The following ZBTB40 variants were observed in gnomAD, a reference collection of about 807,000 sequenced individuals.
The protein encoded by ZBTB40 is zinc finger and BTB domain-containing protein 40.
In ZBTB40, 60 loss-of-function variants were observed where a neutral mutation model predicts 117.5. The observed-to-expected ratio is 0.51, with a 90% CI of 0.41 to 0.63. The LOEUF (loss-of-function observed/expected upper bound fraction) is 0.63. Ranked by LOEUF, ZBTB40 falls within the 30% of genes least tolerant of loss-of-function variation. The pLI, the probability that ZBTB40 is intolerant of heterozygous loss-of-function variation, is 0.00. For synonymous variants in ZBTB40, 525 were observed against 577.1 expected (o/e 0.91, Z 1.29); for missense variants, 1,287 against 1,498.5 (o/e 0.86, Z 2.33).
intron 1 of ZBTB40, among the ~76,000 whole-genome samples, chr1:22,486,012 G>A (rs115281645): frequency 2.0e-5 from 3 of 151,622 alleles, no homozygotes; most frequent in African/African-American, 7.3e-5. Context: ...AAAAATCCTG[G>A]TGTGCTAATT....
At chr1:22,455,447 C>G (rs2124381451) in intron 1 of ZBTB40, among the ~76,000 whole-genome samples, 1 of 152,240 alleles carries the variant, frequency 6.6e-6, no homozygotes, top group African/African-American at 2.4e-5. Flanking sequence ...TTAAACTCTC[C>G]CTAGTAACCA....
At position 22,521,716 on chromosome 1, in the gene ZBTB40, G is replaced by T. The variant is rs773854064; in HGVS notation, c.3211+58G>T. 6.3e-4 allele frequency: 1,021 copies of T among 1,609,172 alleles called. 1 individual carries two copies. The highest frequency in any genetic ancestry group is 7.9e-4 in the Non-Finnish European group (930 of 1,175,770). On this transcript the variant is annotated intron_variant, in intron 15 of 17. Coordinates refer to ENST00000375647, the MANE Select transcript of ZBTB40 (RefSeq NM_014870.4). ...AGGGGCTTGATGGTGTAGCCTCCTG[G>T]GCCCCACCAGAAATCCCCACTTCTA...
chr1:22,450,625 CAA>C (rs949243530), upstream of ZBTB40, among the ~76,000 whole-genome samples: 30 of 152,082 alleles, frequency 2.0e-4, no homozygotes, highest in African/African-American at 5.8e-4. Context: ...GCTGGGCAAA[CAA>C]AGTGCTATTT....
intron 3 of ZBTB40, among the ~76,000 whole-genome samples, chr1:22,500,984 C>A (rs1242439120): frequency 6.6e-6 from 1 of 152,104 alleles, no homozygotes; most frequent in Non-Finnish European, 1.5e-5. Context: ...ATTCAGACAT[C>A]CCTGCCCATG....
chr1:22,472,665 A>G (rs1641440377), intron 1 of ZBTB40, among the ~76,000 whole-genome samples: 1 of 152,200 alleles, frequency 6.6e-6, no homozygotes, highest in East Asian at 1.9e-4. Flanking sequence ...ACAGTAGGTC[A>G]TATATTGTGT....
chr1:22,445,315 T>C (rs1017796092), intron 1 of ZBTB40, among the ~76,000 whole-genome samples: 12 of 152,160 alleles, frequency 7.9e-5, no homozygotes, highest in African/African-American at 2.9e-4. Context: ...AGGGGAAATA[T>C]CCAATTCCAG....
chr1:22,505,982 C>T, intron 5 of ZBTB40, 67 bp from the exon 6 acceptor site: 4 of 1,559,264 alleles, frequency 2.6e-6, no homozygotes, highest in South Asian at 1.1e-5. Flanking sequence ...CTAGGTTTTC[C>T]AGTAGTGTGT....
rs1639785262 is a variant in ZBTB40 at position 22,529,920 on chromosome 1, A to G, written c.*3524A>G. ...TCCCTGCCCTTTATTTGCGGGATCA[A>G]TCAGGGACTCCCAGAAAGGAAGGAG... On this transcript the variant is annotated 3_prime_UTR_variant, in exon 18 of 18. Coordinates refer to ENST00000375647, the MANE Select transcript of ZBTB40 (RefSeq NM_014870.4). The G allele has an allele frequency of 6.6e-6, 1 of 151,950 alleles. No individual in the cohort carries two copies. Among genetic ancestry groups the G allele is most frequent in the African/African-American group, 2.4e-5 (1 of 41,346 alleles). The allele number at this position is 151,950 out of a possible 1,614,324, so 9.4% of individuals were successfully genotyped here.
In ZBTB40 at chr1:22,521,609, C is replaced by G. The variant is rs541275751; in HGVS notation, c.3162C>G (p.Thr1054=). The G allele has an allele frequency of 5.6e-6, 9 of 1,614,206 alleles. No individual in the cohort carries two copies. In the East Asian group the frequency reaches 2.0e-4, roughly 36 times the overall value. The part of the protein sequence containing the change: ...SSLQCSSCDK[T]FPNTIEHKKH... ...TCCAGTGCAGCTCCTGTGACAAAAC[C>G]TTCCCCAACACCATTGAGCACAAGA... Residue 1054 remains threonine (T), a synonymous_variant, in exon 15 of 18, where the codon ACC becomes ACG. Coordinates refer to ENST00000375647, the MANE Select transcript of ZBTB40 (RefSeq NM_014870.4).
At chr1:22,500,564 A>G (rs539131255) in intron 3 of ZBTB40, among the ~76,000 whole-genome samples, 5 of 152,354 alleles carry the variant, frequency 3.3e-5, no homozygotes, top group Admixed American at 3.3e-4. Context: ...AGGAGTGGTC[A>G]GGAAGGCAAG....
At chr1:22,524,741 G>A (rs1228984179) in intron 17 of ZBTB40, among the ~76,000 whole-genome samples, 5 of 152,176 alleles carry the variant, frequency 3.3e-5, no homozygotes, top group Admixed American at 1.3e-4. Context: ...TGAGAACTGC[G>A]GGAAACCTCG....
At position 22,530,862 on chromosome 1, in the gene ZBTB40, C is replaced by T. The variant is rs989010216; in HGVS notation, c.*4466C>T. 3 of 152,160 alleles carry T rather than the reference C, an allele frequency of 2.0e-5. No individual in the cohort carries two copies. Among genetic ancestry groups the T allele is most frequent in the Admixed American group, 2.0e-4 (3 of 15,290 alleles). The allele number at this position is 152,160 out of a possible 1,614,324, so 9.4% of individuals were successfully genotyped here. ...TGGGGGAAAGAAAGCTCTCCTGTCACTTGGAGTCTCATTCCTAAACCCTCC... is the reference window on the plus strand; with the variant it reads ...TGGGGGAAAGAAAGCTCTCCTGTCATTTGGAGTCTCATTCCTAAACCCTCC... On this transcript the variant is annotated 3_prime_UTR_variant, in exon 18 of 18. Transcript: ENST00000375647.
chr1:22,492,808 A>T (rs1377303727), intron 3 of ZBTB40, among the ~76,000 whole-genome samples: 1 of 151,952 alleles, frequency 6.6e-6, no homozygotes, highest in Non-Finnish European at 1.5e-5. Context: ...AATCCTTGGT[A>T]CTCTTTGTAC....
At chr1:22,518,180 T>TCAGCA (rs1039235546) in intron 13 of ZBTB40, among the ~76,000 whole-genome samples, 4 of 152,178 alleles carry the variant, frequency 2.6e-5, no homozygotes, top group African/African-American at 7.2e-5. Context: ...AGGAGTGTAA[T>TCAGCA]CAGCACAGCA....
At chr1:22,511,155 C>G (rs770474030) in intron 9 of ZBTB40, 24 bp from the exon 10 acceptor site, 3 of 1,611,744 alleles carry the variant, frequency 1.9e-6, no homozygotes, top group Non-Finnish European at 1.7e-6. Context: ...AACCCCACAC[C>G]TTTGTCTCCT....
At chr1:22,526,137 C>G in intron 17 of ZBTB40, 65 bp from the exon 18 acceptor site, 1 of 1,565,024 alleles carries the variant, frequency 6.4e-7, no homozygotes, top group Non-Finnish European at 8.8e-7. Context: ...GAGATGAAAA[C>G]CATGTAAATC....
At chr1:22,490,788 A>G in intron 2 of ZBTB40, 143 bp downstream of exon 2, 1 of 925,196 alleles carries the variant, frequency 1.1e-6, no homozygotes, top group Non-Finnish European at 1.7e-6. Flanking sequence ...CATTCTTTTA[A>G]AAGTGTCTGT....
At chr1:22,439,597 T>C (rs1640709193) in intron 1 of ZBTB40, among the ~76,000 whole-genome samples, 1 of 152,368 alleles carries the variant, frequency 6.6e-6, no homozygotes, top group East Asian at 1.9e-4. Context: ...AACTATTCTT[T>C]CCTCATTGAA....
intron 1 of ZBTB40, among the ~76,000 whole-genome samples, chr1:22,465,466 A>T (rs995199882): frequency 3.9e-5 from 6 of 152,306 alleles, no homozygotes; most frequent in African/African-American, 1.4e-4. Context: ...AAAAGGCACC[A>T]GTTCCCACTC....
Sources: allele counts gnomAD v4.1 joint callset (sites outside exome capture counted in the v4.1 genomes callset), GRCh38; gene constraint gnomAD v4.1.1; transcripts MANE v1.5; gene names NCBI Gene and HGNC (gene_info 2026-07-23, HGNC 2026-07-21).